Variants in PRRX1 observed in about 807,000 individuals in gnomAD.
PRRX1 encodes paired mesoderm homeobox protein 1.
PRRX1 carries 8 observed loss-of-function variants against 24.0 expected under a neutral mutation model. The ratio of observed to expected loss-of-function variants is 0.33; its 90% confidence interval spans 0.20 to 0.60. The LOEUF (loss-of-function observed/expected upper bound fraction) is 0.60. Ranked by LOEUF, PRRX1 falls within the 20% of genes least tolerant of loss-of-function variation. The probability of loss-of-function intolerance (pLI) is 0.82; values close to 1 mark genes in which losing one functional copy is unlikely to be tolerated. For synonymous variants in PRRX1, 160 were observed against 131.7 expected (o/e 1.22, Z -1.47); for missense variants, 281 against 322.4 (o/e 0.87, Z 0.98).
intron 1 of PRRX1, chr1:170,669,272 A>C (rs1653056912): frequency 6.6e-6 from 1 of 151,892 alleles, no homozygotes; most frequent in South Asian, 2.1e-4. Context: ...CGGTGCACTC[A>C]GGTCAGAGCG....
intron 1 of PRRX1, among the ~76,000 whole-genome samples, chr1:170,679,641 C>T (rs1036206331): frequency 3.3e-4 from 50 of 152,136 alleles, no homozygotes; most frequent in South Asian, 2.1e-4. Context: ...CCTTGTGATC[C>T]GCCCACCTCG....
intron 3 of PRRX1, chr1:170,727,909 C>G (rs2101923651): frequency 2.0e-5 from 3 of 152,216 alleles, no homozygotes; most frequent in East Asian, 3.9e-4. Context: ...ATCACATATT[C>G]TCTAATATTT....
At chr1:170,711,794 G>T (rs2101911698) in intron 1 of PRRX1, among the ~76,000 whole-genome samples, 1 of 152,234 alleles carries the variant, frequency 6.6e-6, no homozygotes, top group Non-Finnish European at 1.5e-5. Context: ...CAAATTCCTA[G>T]TCAAATACCA....
chr1:170,703,855 T>C (rs745439128), intron 1 of PRRX1, among the ~76,000 whole-genome samples: 2 of 152,170 alleles, frequency 1.3e-5, no homozygotes, highest in Non-Finnish European at 2.9e-5. Flanking sequence ...GAATACGTAG[T>C]TGAGACCAAA....
At chr1:170,719,301 A>G (rs1406887782) in intron 1 of PRRX1, among the ~76,000 whole-genome samples, 1 of 152,256 alleles carries the variant, frequency 6.6e-6, no homozygotes, top group Non-Finnish European at 1.5e-5. Context: ...GAACCAGGAG[A>G]TAATTGGTCT....
chr1:170,669,223 C>G (rs1471972009), intron 1 of PRRX1: 2 of 151,804 alleles, frequency 1.3e-5, no homozygotes, highest in African/African-American at 4.9e-5. Context: ...ATGTGTTAGA[C>G]GTCGTGCAGT....
chr1:170,719,063 G>A (rs1469816080), intron 1 of PRRX1, among the ~76,000 whole-genome samples: 1 of 152,146 alleles, frequency 6.6e-6, no homozygotes, highest in African/African-American at 2.4e-5. Context: ...GTGAGCCCCA[G>A]GCTAATGTTA....
At chr1:170,668,547 G>C (rs1249697322) in intron 1 of PRRX1, 1 of 152,204 alleles carries the variant, frequency 6.6e-6, no homozygotes, top group Non-Finnish European at 1.5e-5. Context: ...ACAGCGACGC[G>C]GGAAATCGAT....
At chr1:170,694,431 T>G (rs1654099849) in intron 1 of PRRX1, among the ~76,000 whole-genome samples, 2 of 152,192 alleles carry the variant, frequency 1.3e-5, no homozygotes. Context: ...GAAATTTATA[T>G]GAAAATTCTG....
intron 1 of PRRX1, among the ~76,000 whole-genome samples, chr1:170,690,500 T>C (rs1380323130): frequency 6.6e-6 from 1 of 152,130 alleles, no homozygotes; most frequent in African/African-American, 2.4e-5. Context: ...GTGGTGCGTA[T>C]GAGAAAGTCA....
At chr1:170,678,313 A>G (rs541953539) in intron 1 of PRRX1, among the ~76,000 whole-genome samples, 5 of 152,244 alleles carry the variant, frequency 3.3e-5, no homozygotes, top group Non-Finnish European at 7.3e-5. Context: ...GCAATCAACA[A>G]TTAAATCTCT....
chr1:170,690,614 G>C (rs559731490), intron 1 of PRRX1, among the ~76,000 whole-genome samples: 2 of 152,056 alleles, frequency 1.3e-5, no homozygotes, highest in East Asian at 3.9e-4. Flanking sequence ...ATAAGTGTTT[G>C]GTAAAATTCA....
chr1:170,666,986 C>T lies in PRRX1; in HGVS notation c.241+2527C>T, dbSNP rs547574376. Among the ~76,000 whole-genome samples the T allele has an allele frequency of 2.0e-5, 3 of 152,114 alleles. No individual in the cohort carries two copies. In the East Asian group the frequency reaches 5.8e-4, roughly 30 times the overall value. The stretch of plus-strand genomic sequence containing the variant: ...GGCGCCTCAGAGGCCCTGTGGAGCA[C>T]GTGGAGTCCTCAGGAGCGCTCGAGG... On this transcript the variant is annotated intron_variant, in intron 1 of 3. Transcript: ENST00000239461.
chr1:170,698,096 C>T (rs1654233266), intron 1 of PRRX1, among the ~76,000 whole-genome samples: 1 of 151,848 alleles, frequency 6.6e-6, no homozygotes, highest in African/African-American at 2.4e-5. Flanking sequence ...ACTTTATTCT[C>T]AAGAATTATT....
chr1:170,681,412 G>C (rs1455981577), intron 1 of PRRX1, among the ~76,000 whole-genome samples: 2 of 151,596 alleles, frequency 1.3e-5, no homozygotes, highest in Admixed American at 6.6e-5. Flanking sequence ...GTGGAACATA[G>C]AACTCTTGTA....
chr1:170,688,000 C>G (rs1468841382), intron 1 of PRRX1, among the ~76,000 whole-genome samples: 1 of 152,114 alleles, frequency 6.6e-6, no homozygotes, highest in Non-Finnish European at 1.5e-5. Context: ...AGCTAATCAT[C>G]AAGAATATTT....
chr1:170,671,976 C>A (rs1477460485), intron 1 of PRRX1, among the ~76,000 whole-genome samples: 1 of 152,124 alleles, frequency 6.6e-6, no homozygotes, highest in East Asian at 1.9e-4. Context: ...GCCACAGAAG[C>A]CCTCACAGTG....
At chr1:170,693,662 T>C (rs1654067366) in intron 1 of PRRX1, among the ~76,000 whole-genome samples, 1 of 152,008 alleles carries the variant, frequency 6.6e-6, no homozygotes, top group African/African-American at 2.4e-5. Flanking sequence ...AAATAAGAAA[T>C]TTGATAGTGT....
At chr1:170,667,125 G>C (rs1652965476) in intron 1 of PRRX1, among the ~76,000 whole-genome samples, 1 of 152,260 alleles carries the variant, frequency 6.6e-6, no homozygotes, top group African/African-American at 2.4e-5. Flanking sequence ...ACAATGACTA[G>C]AGAGGCCTTG....
Sources: gnomAD v4.1 joint callset for allele counts (sites outside exome capture counted in the v4.1 genomes callset) on GRCh38, gnomAD v4.1.1 for gene constraint, MANE v1.5 for transcripts, NCBI Gene and HGNC (gene_info 2026-07-23, HGNC 2026-07-21) for gene names.